The following TARS2 variants were observed in gnomAD, a reference collection of about 807,000 sequenced individuals.
TARS2 encodes the protein threonine--tRNA ligase, mitochondrial.
Under a neutral mutation model 94.4 loss-of-function variants are expected in TARS2, and 61 were observed. The ratio of observed to expected loss-of-function variants is 0.65; its 90% CI spans 0.53 to 0.80. The LOEUF is 0.80. Among genes scored for constraint, TARS2 ranks in the 30% least tolerant of loss-of-function variants. The pLI, the probability that TARS2 is intolerant of heterozygous loss-of-function variation, is 0.00. For synonymous variants in TARS2, 359 were observed against 353.4 expected, an observed-to-expected ratio of 1.02 and a Z score of -0.18; for missense variants, 704 against 902.5, an observed-to-expected ratio of 0.78 and a Z score of 2.82.
At chr1:150,495,980 A>G (rs770020180) in intron 7 of TARS2, among the ~76,000 whole-genome samples, 56 of 152,116 alleles carry the variant, frequency 3.7e-4, no homozygotes, top group Non-Finnish European at 6.9e-4. Flanking sequence ...TCGGCCTCCC[A>G]AAGTGCTGGG....
At chr1:150,497,430 A>G in intron 9 of TARS2, 100 bp from the exon 10 acceptor site, 1 of 1,128,800 alleles carries the variant, frequency 8.9e-7, no homozygotes, top group Admixed American at 1.9e-5. Flanking sequence ...TGTGGTTGCA[A>G]TCAGCATGGC....
At position 150,504,994 on chromosome 1, in the gene TARS2, A is replaced by G. The variant is rs768282383; in HGVS notation, c.1893+16A>G. 47 of 1,613,784 alleles carry G rather than the reference A, an allele frequency of 2.9e-5. No homozygotes were observed. The highest frequency in any genetic ancestry group is 3.3e-4 in the Middle Eastern group (2 of 6,062). On this transcript the variant is annotated intron_variant, in intron 16 of 17. Coordinates refer to ENST00000369064, the MANE Select transcript of TARS2 (RefSeq NM_025150.5). ...CGCCAAAGAGGTAAGGAGTTGAGGT[A>G]AGGGAGGGGGCAGAAGCAGGTCCAG...
rs1669382103 is a variant in TARS2, at chr1:150,491,501, AGTT to A, written c.624_626del (p.Leu208del). On this transcript the variant is annotated inframe_deletion, in exon 5 of 18. Coordinates refer to ENST00000369064, the MANE Select transcript of TARS2 (RefSeq NM_025150.5). ...GAGGCTTCACGGGATCAGCTTCGCCAGTTGTTCAAGGTGGGGTGGAGGGAAGAG... is the reference window on the plus strand; with the variant it reads ...GAGGCTTCACGGGATCAGCTTCGCCAGTTCAAGGTGGGGTGGAGGGAAGAG... 3 of 1,614,086 alleles carry A rather than the reference AGTT, an allele frequency of 1.9e-6. No homozygotes were observed. Among genetic ancestry groups the A allele is most frequent in the Middle Eastern group, 1.6e-4 (1 of 6,080 alleles).
intron 13 of TARS2, among the ~76,000 whole-genome samples, chr1:150,500,624 C>T (rs587607066): frequency 1.1e-4 from 17 of 151,980 alleles, no homozygotes; most frequent in African/African-American, 2.4e-4. Flanking sequence ...CGGTGGCTCA[C>T]GCCTATAATC....
rs184738664 is a variant in TARS2 at position 150,492,703 on chromosome 1, G to A, written c.774+214G>A. Among the ~76,000 whole-genome samples the A allele has an allele frequency of 7.1e-4, 107 of 150,918 alleles. No homozygotes were observed. In the East Asian group the frequency reaches 0.011, roughly 16 times the overall value. On this transcript the variant is annotated intron_variant, in intron 7 of 17. Coordinates refer to ENST00000369064, the MANE Select transcript of TARS2 (RefSeq NM_025150.5). ...CACACACCTGTAGTCCTAGCTGCTC[G>A]GGAGGCTGAGACAGGAGAGTTGCCT...
At chr1:150,495,910 C>T (rs1201825134) in intron 7 of TARS2, among the ~76,000 whole-genome samples, 10 of 151,722 alleles carry the variant, frequency 6.6e-5, no homozygotes, top group South Asian at 4.2e-4. Context: ...TTAGTAGAGA[C>T]GGGGTTTCAC....
In TARS2 at chr1:150,498,531, G is replaced by A; in HGVS notation, c.1268G>A (p.Trp423Ter). ...CLMFAHRPRS[W>*]RELPLRLADF... ...ATGTTCGCCCACCGGCCCAGATCCT[G>A]GCGGGAACTGCCCCTGCGACTAGCT... The change falls in exon 11 of 18, where the codon TGG (tryptophan) becomes TAG (stop). Residue 423 changes from tryptophan (W) to a stop codon, truncating the protein, a stop_gained. Transcript: ENST00000369064. LOFTEE classifies it high-confidence loss of function. 1 of 1,598,298 alleles carries A rather than the reference G, an allele frequency of 6.3e-7. No homozygotes were observed.
At chr1:150,496,394 C>G in intron 7 of TARS2, 88 bp from the exon 8 acceptor site, 1 of 1,487,044 alleles carries the variant, frequency 6.7e-7, no homozygotes, top group South Asian at 1.4e-5. Flanking sequence ...ACCTGTGACA[C>G]TTAACACTGA....
intron 14 of TARS2, 24 bp from the exon 15 acceptor site, chr1:150,504,608 C>T (rs779163052): frequency 1.9e-6 from 3 of 1,597,980 alleles, no homozygotes; most frequent in Non-Finnish European, 2.6e-6. Context: ...CCATTCCATC[C>T]ACCCCCCCCT....
At chr1:150,497,047 C>G in intron 9 of TARS2, 139 bp downstream of exon 9, 1 of 773,834 alleles carries the variant, frequency 1.3e-6, no homozygotes, top group East Asian at 2.8e-5. Flanking sequence ...CTTTCGGAGG[C>G]TGAGCCGTGC....
Position 150,504,451 on chromosome 1 carries a change from C to T in TARS2, c.1718+16C>T. The T allele has an allele frequency of 7.4e-6, 12 of 1,613,244 alleles. No homozygotes were observed. The highest frequency in any genetic ancestry group is 1.0e-5 in the Non-Finnish European group (12 of 1,179,290). On this transcript the variant is annotated intron_variant, in intron 14 of 17. Coordinates refer to ENST00000369064, the MANE Select transcript of TARS2 (RefSeq NM_025150.5). The stretch of plus-strand genomic sequence containing the variant: ...AGTATAAGGGGTATAAAACCTTGCC[C>T]TATCCTCTTTTCCCTTGACAGTGCA...
rs1670274630 is a variant in TARS2 at position 150,507,308 on chromosome 1, GC to G, written c.*246del. ...AATTGGGCCAGGCGCAGTGGCTCAT[GC>G]CTGTAATCCCAGCACTCTGGGAGGC... On this transcript the variant is annotated 3_prime_UTR_variant, in exon 18 of 18. Transcript: ENST00000369064. The G allele has an allele frequency of 2.3e-6, 1 of 442,700 alleles. No individual in the cohort carries two copies. Among genetic ancestry groups the G allele is most frequent in the African/African-American group, 2.0e-5 (1 of 50,242 alleles). The allele number at this position is 442,700 out of a possible 1,614,324, so 27.4% of individuals were successfully genotyped here.
intron 7 of TARS2, among the ~76,000 whole-genome samples, chr1:150,495,942 G>T (rs1010373578): frequency 6.6e-6 from 1 of 150,620 alleles, no homozygotes; most frequent in Non-Finnish European, 1.5e-5. Context: ...GGATGGTCTC[G>T]ATCTCCTGAC....
intron 2 of TARS2, chr1:150,488,478 A>C: frequency 6.6e-6 from 1 of 150,906 alleles, no homozygotes; most frequent in Non-Finnish European, 1.5e-5. Flanking sequence ...CTTTCTCCCC[A>C]CTGTGGATTG....
In TARS2 at chr1:150,507,007, G is replaced by A. The variant is rs371283736; in HGVS notation, c.2100G>A (p.Val700=). Reference sequence around the variant, plus strand: ...GGGAGTGGGACTTGCCTGAGGCTGTGCAGCGACTGGTGGAGCTACAGAACA... The same window carrying A: ...GGGAGTGGGACTTGCCTGAGGCTGTACAGCGACTGGTGGAGCTACAGAACA... ...RLGEWDLPEA[V]QRLVELQNTR... is the part of the protein sequence containing the mutation. Residue 700 remains valine (V), a synonymous_variant, in exon 18 of 18, where the codon GTG becomes GTA. Transcript: ENST00000369064. The A allele has an allele frequency of 2.1e-5, 34 of 1,614,062 alleles. No individual in the cohort carries two copies. The highest frequency in any genetic ancestry group is 2.6e-5 in the Non-Finnish European group (31 of 1,180,038).
rs587671260 is a variant in TARS2 at position 150,504,433 on chromosome 1, G to A, written c.1716G>A (p.Lys572=). 1.9e-6 allele frequency: 3 copies of A among 1,614,026 alleles called. No homozygotes were observed. Among genetic ancestry groups the A allele is most frequent in the East Asian group, 4.5e-5 (2 of 44,866 alleles). ...QLPLRFDLQY[K]GQAGALERPV... is the part of the protein sequence containing the mutation. ...CCCTGAGATTTGACCTCCAGTATAA[G>A]GGGTATAAAACCTTGCCCTATCCTC... Residue 572 remains lysine (K), a splice_region_variant and synonymous_variant, in exon 14 of 18, where the codon AAG becomes AAA. Transcript: ENST00000369064.
Position 150,504,745 on chromosome 1 carries a change from G to C in TARS2, c.1820+12G>C. 6.2e-7 allele frequency: 1 copy of C among 1,614,072 alleles called. No homozygotes were observed. Among genetic ancestry groups the C allele is most frequent in the Non-Finnish European group, 8.5e-7 (1 of 1,179,964 alleles). Reference sequence around the variant, plus strand: ...TGCGGGGGGAAATGGTGAGACCTCTGACCTGGATTTCTGTTCTGGCCCCAA... The same window carrying C: ...TGCGGGGGGAAATGGTGAGACCTCTCACCTGGATTTCTGTTCTGGCCCCAA... On this transcript the variant is annotated intron_variant, in intron 15 of 17. Coordinates refer to ENST00000369064, the MANE Select transcript of TARS2 (RefSeq NM_025150.5).
intron 7 of TARS2, among the ~76,000 whole-genome samples, chr1:150,494,203 C>A (rs1669537399): frequency 6.6e-6 from 1 of 151,062 alleles, no homozygotes; most frequent in Non-Finnish European, 1.5e-5. Flanking sequence ...CCTGTCTCTA[C>A]TAAAAATACA....
At chr1:150,502,053 C>T (rs1669948395) in intron 13 of TARS2, among the ~76,000 whole-genome samples, 2 of 149,812 alleles carry the variant, frequency 1.3e-5, no homozygotes, top group African/African-American at 4.9e-5. Flanking sequence ...GCTGGGATTA[C>T]AGGCATGTAC....
Sources: gnomAD v4.1 joint callset for allele counts (sites outside exome capture counted in the v4.1 genomes callset) on GRCh38, gnomAD v4.1.1 for gene constraint, MANE v1.5 for transcripts, NCBI Gene and HGNC (gene_info 2026-07-23, HGNC 2026-07-21) for gene names.